The following RAPGEF2 variants were observed in gnomAD, a reference collection of about 807,000 sequenced individuals.
RAPGEF2 encodes PDZ domain containing guanine nucleotide exchange factor (GEF) 1.
A neutral mutation model predicts 186.7 loss-of-function variants in RAPGEF2; 54 were observed. The observed-to-expected ratio is 0.29, with a 90% CI of 0.23 to 0.36. The LOEUF is 0.36. Among genes scored for constraint, RAPGEF2 ranks in the 10% least tolerant of loss-of-function variants. The pLI, the probability that RAPGEF2 is intolerant of heterozygous loss-of-function variation, is 1.00. For synonymous variants in RAPGEF2, 712 were observed against 705.9 expected (o/e 1.01, Z -0.14); for missense variants, 1,532 against 2,045.0 (o/e 0.75, Z 4.84).
chr4:159,208,984 G>T (rs190651072), intron 3 of RAPGEF2, among the ~76,000 whole-genome samples: 1 of 151,804 alleles, frequency 6.6e-6, no homozygotes, highest in East Asian at 1.9e-4. Context: ...TCCGCCTCCC[G>T]GGTTCAAGCG....
At chr4:159,259,253 A>C (rs1196960658) in intron 7 of RAPGEF2, among the ~76,000 whole-genome samples, 1 of 152,230 alleles carries the variant, frequency 6.6e-6, no homozygotes. Flanking sequence ...ATGTGGCCCA[A>C]AGGAGATATA....
chr4:159,350,115 G>A, intron 25 of RAPGEF2, 22 bp from the exon 26 acceptor site: 2 of 1,410,868 alleles, frequency 1.4e-6, no homozygotes, highest in Non-Finnish European at 1.9e-6. Flanking sequence ...ACATATTTAA[G>A]GTTTTTTTTT....
In RAPGEF2 at chr4:159,345,223, C is replaced by T. The variant is rs750560684; in HGVS notation, c.3396C>T (p.Ala1132=). 1.2e-6 allele frequency: 2 copies of T among 1,614,120 alleles called. No individual in the cohort carries two copies. The highest frequency in any genetic ancestry group is 1.3e-5 in the African/African-American group (1 of 75,020). Residue 1132 remains alanine (A), a synonymous_variant, in exon 24 of 30, where the codon GCC becomes GCT. Coordinates refer to ENST00000691494, the MANE Select transcript of RAPGEF2 (RefSeq NM_001394067.2). ...ATGCCAAAAAGCTTTATGAAGATGC[C>T]CAAATGGCTCGAAAAGTGAAGCAGT... ...FLNAKKLYED[A]QMARKVKQYL...
intron 2 of RAPGEF2, among the ~76,000 whole-genome samples, chr4:159,192,674 G>A (rs1748238421): frequency 6.6e-6 from 1 of 152,146 alleles, no homozygotes; most frequent in South Asian, 2.1e-4. Context: ...ATCAGCTGAA[G>A]TAACAAATCT....
chr4:159,133,021 C>G (rs914426790), intron 1 of RAPGEF2, among the ~76,000 whole-genome samples: 2 of 151,784 alleles, frequency 1.3e-5, no homozygotes, highest in Non-Finnish European at 2.9e-5. Context: ...TTATTCTTCC[C>G]AAAAATTAAA....
intron 1 of RAPGEF2, among the ~76,000 whole-genome samples, chr4:159,155,251 AAC>A (rs1282002500): frequency 1.3e-5 from 2 of 152,286 alleles, no homozygotes; most frequent in South Asian, 2.1e-4. Context: ...AAAGTTGGCA[AAC>A]ACAGCATTTA....
intron 17 of RAPGEF2, among the ~76,000 whole-genome samples, chr4:159,335,762 G>C (rs1282913234): frequency 6.6e-6 from 1 of 151,510 alleles, no homozygotes; most frequent in Non-Finnish European, 1.5e-5. Flanking sequence ...CGTGAACCCG[G>C]GAGGCGGAGC....
intron 4 of RAPGEF2, among the ~76,000 whole-genome samples, chr4:159,234,192 A>G (rs1752970047): frequency 6.6e-6 from 1 of 152,132 alleles, no homozygotes. Context: ...ATGTAATCAC[A>G]TTTGGATCAG....
At chr4:159,261,531 A>C (rs761475088) in intron 7 of RAPGEF2, among the ~76,000 whole-genome samples, 1 of 152,206 alleles carries the variant, frequency 6.6e-6, no homozygotes, top group African/African-American at 2.4e-5. Flanking sequence ...GTGAATATTA[A>C]TATTCCATTT....
chr4:159,111,153 C>A (rs1315306229), intron 1 of RAPGEF2, among the ~76,000 whole-genome samples: 9 of 152,030 alleles, frequency 5.9e-5, no homozygotes, highest in Admixed American at 5.9e-4. Context: ...ACCCTTGGTG[C>A]GGTGGTGGTG....
chr4:159,274,343 CT>C (rs1232036795), intron 7 of RAPGEF2, among the ~76,000 whole-genome samples: 2 of 151,966 alleles, frequency 1.3e-5, no homozygotes, highest in Non-Finnish European at 2.9e-5. Context: ...TTTTGAAAGC[CT>C]TTTCAATTTA....
At chr4:159,117,328 A>G (rs1387291931) in intron 1 of RAPGEF2, among the ~76,000 whole-genome samples, 1 of 152,192 alleles carries the variant, frequency 6.6e-6, no homozygotes, top group Non-Finnish European at 1.5e-5. Context: ...TGGATTTGGG[A>G]TACCACAAGC....
At chr4:159,301,725 G>A (rs1230397769) in intron 7 of RAPGEF2, among the ~76,000 whole-genome samples, 1 of 152,080 alleles carries the variant, frequency 6.6e-6, no homozygotes, top group Non-Finnish European at 1.5e-5. Context: ...TAGACATGGT[G>A]GCATGTGCCT....
At chr4:159,351,979 G>C (rs1731249121) in intron 26 of RAPGEF2, among the ~76,000 whole-genome samples, 1 of 151,902 alleles carries the variant, frequency 6.6e-6, no homozygotes, top group Admixed American at 6.6e-5. Flanking sequence ...ATAGGCCCCT[G>C]CCATTGTGTC....
intron 8 of RAPGEF2, 57 bp from the exon 9 acceptor site, chr4:159,314,534 G>T: frequency 7.0e-7 from 1 of 1,438,250 alleles, no homozygotes; most frequent in Non-Finnish European, 9.2e-7. Context: ...TGTTTCTTTG[G>T]GCCCCAAAGA....
chr4:159,293,695 T>A (rs987960980), intron 7 of RAPGEF2, among the ~76,000 whole-genome samples: 1 of 152,248 alleles, frequency 6.6e-6, no homozygotes, highest in African/African-American at 2.4e-5. Context: ...CACAGTAGAC[T>A]TTCTTTTAAG....
At chr4:159,123,773 C>G (rs938542152) in intron 1 of RAPGEF2, among the ~76,000 whole-genome samples, 1 of 152,176 alleles carries the variant, frequency 6.6e-6, no homozygotes, top group South Asian at 2.1e-4. Flanking sequence ...CTGCCTCGAC[C>G]TCCCAAAGTG....
chr4:159,339,496 C>A, intron 19 of RAPGEF2, 142 bp downstream of exon 19: 1 of 1,080,812 alleles, frequency 9.3e-7, no homozygotes, highest in Non-Finnish European at 1.3e-6. Flanking sequence ...TTTTTTTTTT[C>A]CTTTCACCAA....
At chr4:159,113,731 A>G (rs535565779) in intron 1 of RAPGEF2, among the ~76,000 whole-genome samples, 1 of 127,198 alleles carries the variant, frequency 7.9e-6, no homozygotes, top group Non-Finnish European at 1.6e-5. Context: ...GACGGATGAG[A>G]CTCTGTCTCA....
Sources: gnomAD v4.1 joint callset for allele counts (sites outside exome capture counted in the v4.1 genomes callset) on GRCh38, gnomAD v4.1.1 for gene constraint, MANE v1.5 for transcripts, NCBI Gene and HGNC (gene_info 2026-07-23, HGNC 2026-07-21) for gene names.